Variants in IMPG1 observed in about 807,000 individuals in gnomAD.
IMPG1 encodes the protein interphotoreceptor matrix proteoglycan 1.
Under a neutral mutation model 92.0 loss-of-function variants are expected in IMPG1, and 85 were observed. The ratio of observed to expected loss-of-function variants is 0.92; its 90% CI spans 0.78 to 1.11. The LOEUF (loss-of-function observed/expected upper bound fraction) is 1.11. Among genes scored for constraint, IMPG1 ranks in the 50% least tolerant of loss-of-function variants. The pLI, the probability that IMPG1 is intolerant of heterozygous loss-of-function variation, is 0.00. For missense variants in IMPG1, 1,022 were observed against 956.0 expected (o/e 1.07, Z -0.91); for synonymous variants, 367 against 334.1 (o/e 1.10, Z -1.08).
intron 12 of IMPG1, among the ~76,000 whole-genome samples, chr6:75,986,400 A>G (rs913202392): frequency 1.3e-5 from 2 of 152,226 alleles, no homozygotes; most frequent in African/African-American, 2.4e-5. Flanking sequence ...GAAGGTCTTA[A>G]TAACTATTAT....
chr6:76,011,225 C>T lies in IMPG1; in HGVS notation c.808-1G>A. On this transcript the variant is annotated splice_acceptor_variant, in intron 7 of 16. Coordinates refer to ENST00000369950, the MANE Select transcript of IMPG1 (RefSeq NM_001563.4). LOFTEE classifies it high-confidence loss of function. The stretch of plus-strand genomic sequence containing the variant: ...GAAGTTTCTTAAATATCTTTTGCAT[C>T]TGCAGAGAGAAAGAAATTTGTAAAA... 6.5e-7 allele frequency: 1 copy of T among 1,527,986 alleles called. No homozygotes were observed. Among genetic ancestry groups the T allele is most frequent in the Non-Finnish European group, 9.1e-7 (1 of 1,103,786 alleles). The allele number at this position is 1,527,986 out of a possible 1,614,324, so 94.7% of individuals were successfully genotyped here.
In IMPG1 at chr6:76,071,836, A is replaced by C. The variant is rs527804961; in HGVS notation, c.67+586T>G. Among the ~76,000 whole-genome samples, 12 of 152,168 alleles carry C rather than the reference A, an allele frequency of 7.9e-5. 1 individual carries two copies. The South Asian group carries it at 2.5e-3, about 32-fold the overall frequency. On this transcript the variant is annotated intron_variant, in intron 1 of 16. Transcript: ENST00000369950. ...AAACATCCTGTTTGTGGCTTATTTTAATTTCATATTCAGATGCAGATTTGC... is the reference window on the plus strand; with the variant it reads ...AAACATCCTGTTTGTGGCTTATTTTCATTTCATATTCAGATGCAGATTTGC...
At chr6:75,967,000 A>G (rs1278900916) in intron 12 of IMPG1, among the ~76,000 whole-genome samples, 1 of 152,148 alleles carries the variant, frequency 6.6e-6, no homozygotes. Flanking sequence ...CAACATGGCG[A>G]AAACCCATCT....
intron 2 of IMPG1, among the ~76,000 whole-genome samples, chr6:76,036,119 G>A (rs1303899290): frequency 6.6e-6 from 1 of 152,060 alleles, no homozygotes; most frequent in East Asian, 1.9e-4. Context: ...CTGAAACTAA[G>A]TAAAATAATA....
intron 4 of IMPG1, among the ~76,000 whole-genome samples, chr6:76,028,856 G>T (rs548640665): frequency 2.0e-5 from 3 of 152,192 alleles, no homozygotes; most frequent in Admixed American, 2.0e-4. Context: ...TACTCCTGGG[G>T]TGAAAATTTG....
Position 75,921,937 on chromosome 6 carries a change from T to C in IMPG1, c.*152A>G, listed in dbSNP as rs1781437558. 10 of 554,674 alleles carry C rather than the reference T, an allele frequency of 1.8e-5. No individual in the cohort carries two copies. The South Asian group carries it at 2.0e-4, about 11-fold the overall frequency. The allele number at this position is 554,674 out of a possible 1,614,324, so 34.4% of individuals were successfully genotyped here. ...TTACTGGTTGCCAAGTACATGACTC[T>C]TCTATATTTGAAATATGGTGTGTGC... On this transcript the variant is annotated 3_prime_UTR_variant, in exon 17 of 17. Transcript: ENST00000369950.
Position 75,976,380 on chromosome 6 carries a change from G to T in IMPG1, c.1292-25286C>A, listed in dbSNP as rs537372143. On this transcript the variant is annotated intron_variant, in intron 12 of 16. Transcript: ENST00000369950. ...AGTTTAAGACCAGCCTGAGCAAAAT[G>T]GTGAAACCACGTCTCTACCAAAAAT... Among the ~76,000 whole-genome samples the T allele has an allele frequency of 2.0e-5, 3 of 152,174 alleles. No homozygotes were observed. The East Asian group carries it at 5.8e-4, about 29-fold the overall frequency.
intron 4 of IMPG1, among the ~76,000 whole-genome samples, chr6:76,030,623 A>G (rs1463717271): frequency 2.0e-5 from 3 of 152,174 alleles, no homozygotes; most frequent in African/African-American, 7.2e-5. Context: ...CAGAAGCCCA[A>G]CATGCTGGCA....
Position 76,042,004 on chromosome 6 carries a change from C to T in IMPG1, c.190G>A (p.Ala64Thr). 5 of 1,613,416 alleles carry T rather than the reference C, an allele frequency of 3.1e-6. No homozygotes were observed. The highest frequency in any genetic ancestry group is 4.2e-6 in the Non-Finnish European group (5 of 1,179,398). The change falls in exon 2 of 17, where the codon GCA (alanine) becomes ACA (threonine). Residue 64 changes from alanine to threonine, a missense_variant. By Grantham distance (58) the Ala-to-Thr change is moderately conservative. Transcript: ENST00000369950. ...GCGGATCTTTTTGTTCGATGCTTTG[C>T]CAAATCGAATATTCGTCTCATAGTT... Reference protein sequence around the residue: ...MSTMRRIFDLAKHRTKRSAFF... With the variant: ...MSTMRRIFDLTKHRTKRSAFF...
At chr6:76,036,555 A>G (rs892195396) in intron 2 of IMPG1, among the ~76,000 whole-genome samples, 1 of 152,242 alleles carries the variant, frequency 6.6e-6, no homozygotes, top group Non-Finnish European at 1.5e-5. Context: ...TCTTATAGTC[A>G]CAAGAAACAA....
intron 12 of IMPG1, among the ~76,000 whole-genome samples, chr6:75,953,798 T>C (rs1052508952): frequency 1.7e-4 from 26 of 151,956 alleles, no homozygotes; most frequent in African/African-American, 5.8e-4. Context: ...GTGTGTGATG[T>C]TCCCCTCCCT....
At chr6:75,972,784 A>T (rs9360967) in intron 12 of IMPG1, among the ~76,000 whole-genome samples, 17,788 of 152,240 alleles carry the variant, frequency 0.12, 1,169 homozygotes, top group East Asian at 0.23. Flanking sequence ...TTGAACATCT[A>T]CTATGTACCA....
chr6:75,975,780 T>C (rs908851161), intron 12 of IMPG1, among the ~76,000 whole-genome samples: 2 of 152,234 alleles, frequency 1.3e-5, no homozygotes, highest in African/African-American at 2.4e-5. Flanking sequence ...TTAGGCTGTA[T>C]AGACCATGTG....
At chr6:76,035,365 G>A (rs937560589) in intron 2 of IMPG1, among the ~76,000 whole-genome samples, 4 of 152,070 alleles carry the variant, frequency 2.6e-5, no homozygotes, top group African/African-American at 9.7e-5. Flanking sequence ...TGGGCGTGTT[G>A]GTGCATGCCT....
intron 12 of IMPG1, among the ~76,000 whole-genome samples, chr6:75,991,350 C>T (rs528495044): frequency 6.6e-6 from 1 of 151,820 alleles, no homozygotes; most frequent in East Asian, 1.9e-4. Flanking sequence ...AAGATTGCAC[C>T]ACTGCATTCC....
rs1345086214 is a variant in IMPG1 at position 76,011,219 on chromosome 6, T to C, written c.813A>G (p.Gln271=). Residue 271 remains glutamine, a synonymous_variant, in exon 8 of 17, where the codon CAA becomes CAG. Transcript: ENST00000369950. The part of the protein sequence containing the change: ...ELAGKSQLQM[Q]KIFKKLPGFK... ...ATCCTGGAAGTTTCTTAAATATCTT[T>C]TGCATCTGCAGAGAGAAAGAAATTT... 1.3e-6 allele frequency: 2 copies of C among 1,541,218 alleles called. No homozygotes were observed. Among genetic ancestry groups the C allele is most frequent in the Non-Finnish European group, 1.8e-6 (2 of 1,115,008 alleles).
intron 13 of IMPG1, 118 bp downstream of exon 13, chr6:75,950,444 G>C: frequency 1.2e-6 from 1 of 859,038 alleles, no homozygotes; most frequent in South Asian, 1.9e-5. Flanking sequence ...GCAACAGCTG[G>C]CTTGGCGGTT....
chr6:76,002,870 C>G (rs1783020444), intron 12 of IMPG1, 48 bp downstream of exon 12: 2 of 1,425,952 alleles, frequency 1.4e-6, no homozygotes, highest in Non-Finnish European at 2.0e-6. Context: ...TGGGATTCCT[C>G]AAAGCATATG....
At chr6:76,046,631 T>C (rs1475032095) in intron 1 of IMPG1, among the ~76,000 whole-genome samples, 1 of 152,182 alleles carries the variant, frequency 6.6e-6, no homozygotes, top group African/African-American at 2.4e-5. Context: ...TCACTAGTTG[T>C]ATAATGTGGG....
Sources: allele counts gnomAD v4.1 joint callset (sites outside exome capture counted in the v4.1 genomes callset), GRCh38; gene constraint gnomAD v4.1.1; transcripts MANE v1.5; gene names NCBI Gene and HGNC (gene_info 2026-07-23, HGNC 2026-07-21).